The following CEP112 variants were observed in gnomAD, a reference collection of about 807,000 sequenced individuals.
CEP112 encodes the protein centrosomal protein of 112 kDa.
Under a neutral mutation model 153.0 loss-of-function variants are expected in CEP112, and 127 were observed. The observed-to-expected ratio is 0.83, with a 90% confidence interval of 0.72 to 0.96. The LOEUF (loss-of-function observed/expected upper bound fraction) is 0.96. Among genes scored for constraint, CEP112 ranks in the 40% least tolerant of loss-of-function variants. The probability of loss-of-function intolerance (pLI) is 0.00; values close to 1 mark genes in which losing one functional copy is unlikely to be tolerated. For synonymous variants in CEP112, 358 were observed against 374.4 expected (o/e 0.96, Z 0.51); for missense variants, 1,089 against 1,101.2 (o/e 0.99, Z 0.16).
At chr17:65,932,319 C>T (rs898297567) in intron 18 of CEP112, among the ~76,000 whole-genome samples, 15 of 152,058 alleles carry the variant, frequency 9.9e-5, no homozygotes, top group African/African-American at 2.4e-4. Flanking sequence ...ATTCATCAAA[C>T]GTACAGACAT....
At chr17:65,655,042 T>G in intron 24 of CEP112, 2 of 681,100 alleles carry the variant, frequency 2.9e-6, no homozygotes, top group Non-Finnish European at 5.6e-6. Context: ...GTATCACTCT[T>G]GACACTGGAG....
intron 17 of CEP112, among the ~76,000 whole-genome samples, chr17:65,964,028 A>G (rs1219426481): frequency 6.6e-6 from 1 of 152,202 alleles, no homozygotes; most frequent in East Asian, 1.9e-4. Flanking sequence ...ATGACAGTTA[A>G]GCCATTCCAG....
chr17:65,903,179 C>T (rs2059938770), intron 19 of CEP112: 1 of 152,234 alleles, frequency 6.6e-6, no homozygotes, highest in African/African-American at 2.4e-5. Context: ...CAGTGAACTC[C>T]AGGCCACACA....
At chr17:65,949,353 G>A (rs2061744853) in intron 18 of CEP112, among the ~76,000 whole-genome samples, 1 of 152,164 alleles carries the variant, frequency 6.6e-6, no homozygotes, top group Non-Finnish European at 1.5e-5. Flanking sequence ...AACCAGTGAA[G>A]AATATTTCTT....
At chr17:65,880,548 C>T (rs1416220280) in intron 20 of CEP112, among the ~76,000 whole-genome samples, 1 of 152,178 alleles carries the variant, frequency 6.6e-6, no homozygotes, top group Non-Finnish European at 1.5e-5. Flanking sequence ...AATGTGATGA[C>T]TATTTACTAT....
chr17:66,100,814 T>C (rs2068539493), intron 6 of CEP112, among the ~76,000 whole-genome samples: 1 of 152,088 alleles, frequency 6.6e-6, no homozygotes. Flanking sequence ...AAAGTAATAA[T>C]TAGAAAACAA....
chr17:66,183,977 GATAGCTCATGCCT>G (rs1279383054), intron 1 of CEP112, among the ~76,000 whole-genome samples: 1 of 151,640 alleles, frequency 6.6e-6, no homozygotes, highest in Non-Finnish European at 1.5e-5. Context: ...GACCAGGCAT[GATAGCTCATGCCT>G]GTAATCCCAG....
intron 21 of CEP112, among the ~76,000 whole-genome samples, chr17:65,760,336 T>A (rs1197143054): frequency 2.0e-5 from 3 of 152,188 alleles, no homozygotes; most frequent in Non-Finnish European, 4.4e-5. Context: ...ATGCCCTGTT[T>A]CTGATCTTAG....
intron 24 of CEP112, among the ~76,000 whole-genome samples, chr17:65,666,547 T>C (rs2046701998): frequency 6.6e-6 from 1 of 152,206 alleles, no homozygotes; most frequent in South Asian, 2.1e-4. Flanking sequence ...TTGCTGTATG[T>C]CTTAATTGAT....
At chr17:65,895,968 C>T (rs1007695843) in intron 20 of CEP112, among the ~76,000 whole-genome samples, 1 of 152,018 alleles carries the variant, frequency 6.6e-6, no homozygotes, top group Admixed American at 6.6e-5. Flanking sequence ...ATTTAATTAC[C>T]TCTTCTTCAA....
chr17:66,030,935 A>C (rs1030904754), intron 12 of CEP112, among the ~76,000 whole-genome samples: 6 of 152,178 alleles, frequency 3.9e-5, no homozygotes, highest in Non-Finnish European at 7.4e-5. Context: ...CAACCCTGAC[A>C]TCCTTTCTTC....
In CEP112 at chr17:65,880,773, T is replaced by C. The variant is rs1055575411; in HGVS notation, c.2163+21379A>G. Among the ~76,000 whole-genome samples, 3 of 152,340 alleles carry C rather than the reference T, an allele frequency of 2.0e-5. No homozygotes were observed. The East Asian group carries it at 5.8e-4, about 29-fold the overall frequency. ...GAGTATGGACACATGTGGCCAGTGC[T>C]CAACATCAGTTAAACGTCTGAATGT... On this transcript the variant is annotated intron_variant, in intron 20 of 26. Transcript: ENST00000535342.
In CEP112 at chr17:65,955,765, T is replaced by C. The variant is rs549805519; in HGVS notation, c.1872+5698A>G. Among the ~76,000 whole-genome samples the C allele has an allele frequency of 6.6e-5, 10 of 152,298 alleles. No homozygotes were observed. In the South Asian group the frequency reaches 2.1e-3, roughly 32 times the overall value. On this transcript the variant is annotated intron_variant, in intron 18 of 26. Coordinates refer to ENST00000535342, the MANE Select transcript of CEP112 (RefSeq NM_001199165.4). ...TTAAAGAAGACAAACAGGGACATTA[T>C]ATAATGGTAAAAGGACTAGTCCAAC...
At chr17:65,770,828 G>T (rs1290266910) in intron 21 of CEP112, among the ~76,000 whole-genome samples, 1 of 150,684 alleles carries the variant, frequency 6.6e-6, no homozygotes, top group East Asian at 2.0e-4. Context: ...CAGTGAAGAG[G>T]TATAGCTAAT....
chr17:66,053,647 T>C, intron 12 of CEP112, 89 bp downstream of exon 12: 2 of 1,326,584 alleles, frequency 1.5e-6, no homozygotes, highest in South Asian at 1.5e-5. Context: ...AACACACTTC[T>C]TTCTACACTG....
intron 23 of CEP112, among the ~76,000 whole-genome samples, chr17:65,720,224 G>A (rs916400505): frequency 1.3e-5 from 2 of 152,324 alleles, no homozygotes; most frequent in South Asian, 2.1e-4. Flanking sequence ...TCAGTTTTCA[G>A]TAGGACATGT....
intron 20 of CEP112, among the ~76,000 whole-genome samples, chr17:65,879,813 A>C (rs980530645): frequency 2.0e-5 from 3 of 151,846 alleles, no homozygotes; most frequent in African/African-American, 7.2e-5. Context: ...AAATCTAAAA[A>C]AACATTGAGT....
In CEP112 at chr17:65,659,010, T is replaced by A. The variant is rs539603481; in HGVS notation, c.2698-17945A>T. 1.4e-4 allele frequency among the ~76,000 whole-genome samples: 12 copies of A among 88,206 alleles called. 1 individual carries two copies. The highest frequency in any genetic ancestry group is 6.6e-4 in the African/African-American group (12 of 18,296). 57.9% of individuals were successfully genotyped at this position (88,206 alleles called of 152,430 possible). On this transcript the variant is annotated intron_variant, in intron 24 of 26. Transcript: ENST00000535342. ...CAGCCTGGGTGACAGAGCGAGACTC[T>A]GTCTCAAAAAAAAAAAAAAAAAAAA...
At chr17:65,669,903 GA>G (rs11346097) in intron 24 of CEP112, among the ~76,000 whole-genome samples, 63,259 of 126,450 alleles carry the variant, frequency 0.5, 14,566 homozygotes, top group African/African-American at 0.59. Context: ...ACTTCGTCTT[GA>G]AAAAAAAAAA....
Sources: gnomAD v4.1 joint callset for allele counts (sites outside exome capture counted in the v4.1 genomes callset) on GRCh38, gnomAD v4.1.1 for gene constraint, MANE v1.5 for transcripts, NCBI Gene and HGNC (gene_info 2026-07-23, HGNC 2026-07-21) for gene names.